Variants in PDS5B observed in about 807,000 individuals in gnomAD.
PDS5B encodes the protein PDS5 cohesin associated factor B.
In PDS5B, 51 loss-of-function variants were observed where a neutral mutation model predicts 184.1. The ratio of observed to expected loss-of-function variants is 0.28; its 90% CI spans 0.22 to 0.35. The LOEUF (loss-of-function observed/expected upper bound fraction) is 0.35, where lower values mean the gene tolerates loss of function less well. PDS5B is among the 10% of genes least tolerant of loss of function. The pLI is 1.00. For missense variants in PDS5B, 1,180 were observed against 1,723.3 expected, an observed-to-expected ratio of 0.68 and a Z score of 5.58; for synonymous variants, 566 against 569.2, an observed-to-expected ratio of 0.99 and a Z score of 0.08.
intron 1 of PDS5B, among the ~76,000 whole-genome samples, chr13:32,598,457 A>G (rs2057915735): frequency 6.6e-6 from 1 of 152,010 alleles, no homozygotes; most frequent in Admixed American, 6.6e-5. Context: ...AGATTATTGT[A>G]GTTTTTAAAT....
At chr13:32,676,781 A>G (rs1951076106) in intron 9 of PDS5B, among the ~76,000 whole-genome samples, 1 of 151,814 alleles carries the variant, frequency 6.6e-6, no homozygotes, top group Non-Finnish European at 1.5e-5. Flanking sequence ...AATACAAAAA[A>G]TTAGCCAGGC....
At chr13:32,746,627 T>C (rs1211047602) in intron 24 of PDS5B, among the ~76,000 whole-genome samples, 1 of 152,206 alleles carries the variant, frequency 6.6e-6, no homozygotes, top group Non-Finnish European at 1.5e-5. Context: ...TCGCTATGCT[T>C]GTGCTTTGAA....
chr13:32,775,095 A>AACT lies in PDS5B; in HGVS notation c.*43_*44insACT. The AACT allele has an allele frequency of 6.6e-5, 36 of 547,556 alleles. No individual in the cohort carries two copies. The highest frequency in any genetic ancestry group is 2.0e-4 in the African/African-American group (3 of 15,254). 33.9% of individuals were successfully genotyped at this position (547,556 alleles called of 1,614,324 possible). ...CTTTCTCTGTGAAAGCTTTGGAAAA[A>AACT]TCTTTTTTTTTTTTTTTGGTCAAGC... is the stretch of plus-strand genomic sequence containing the variant. On this transcript the variant is annotated 3_prime_UTR_variant, in exon 35 of 35. Coordinates refer to ENST00000315596, the MANE Select transcript of PDS5B (RefSeq NM_015032.4).
intron 1 of PDS5B, among the ~76,000 whole-genome samples, chr13:32,600,744 C>G (rs2057961445): frequency 6.6e-6 from 1 of 152,102 alleles, no homozygotes; most frequent in Non-Finnish European, 1.5e-5. Flanking sequence ...GTCTTCAAAA[C>G]AAAACAAAAA....
chr13:32,641,648 T>C (rs759681424), intron 1 of PDS5B, among the ~76,000 whole-genome samples: 1 of 152,182 alleles, frequency 6.6e-6, no homozygotes, highest in Non-Finnish European at 1.5e-5. Context: ...GTTTTCCTTC[T>C]TTATCTCCCC....
intron 7 of PDS5B, among the ~76,000 whole-genome samples, chr13:32,670,596 A>C (rs1950911379): frequency 6.6e-6 from 1 of 152,164 alleles, no homozygotes; most frequent in African/African-American, 2.4e-5. Context: ...GTACATATAT[A>C]TTTGTTTAAA....
Position 32,769,988 on chromosome 13 carries a change from G to A in PDS5B, c.3625-133G>A. ...ATAAAAGCAAATAAATACAGTTCTGGTGTATTTAAGAGCTGTATATTTTAG... is the reference window on the plus strand; with the variant it reads ...ATAAAAGCAAATAAATACAGTTCTGATGTATTTAAGAGCTGTATATTTTAG... On this transcript the variant is annotated intron_variant, in intron 31 of 34. Transcript: ENST00000315596. The A allele has an allele frequency of 4.6e-6, 3 of 658,558 alleles. 1 individual carries two copies. The South Asian group carries it at 7.4e-5, about 16-fold the overall frequency. The allele number at this position is 658,558 out of a possible 1,614,324, so 40.8% of individuals were successfully genotyped here. A position where few individuals can be genotyped will look rare whatever the true frequency, so the allele number is the denominator to read the frequency against.
At chr13:32,606,498 C>T (rs2058062724) in intron 1 of PDS5B, among the ~76,000 whole-genome samples, 1 of 152,214 alleles carries the variant, frequency 6.6e-6, no homozygotes, top group Non-Finnish European at 1.5e-5. Context: ...CTGCCCTTAA[C>T]ATTTTTTCCT....
chr13:32,746,177 T>C, intron 24 of PDS5B, 77 bp downstream of exon 24: 1 of 1,213,962 alleles, frequency 8.2e-7, no homozygotes, highest in Non-Finnish European at 1.2e-6. Flanking sequence ...CTGTGATACA[T>C]AGATTAAAAT....
chr13:32,615,857 T>C (rs939290191), intron 1 of PDS5B, among the ~76,000 whole-genome samples: 2 of 152,190 alleles, frequency 1.3e-5, no homozygotes, highest in African/African-American at 4.8e-5. Flanking sequence ...TTAGTTTTAA[T>C]CTTTATTATG....
chr13:32,594,559 A>C (rs1483560768), intron 1 of PDS5B, among the ~76,000 whole-genome samples: 1 of 152,228 alleles, frequency 6.6e-6, no homozygotes, highest in Admixed American at 6.5e-5. Context: ...TAGTCATGTT[A>C]CTCTGAGAGT....
Position 32,776,596 on chromosome 13 carries a change from G to A in PDS5B, c.*1544G>A, listed in dbSNP as rs1954965114. ...TTATGTTTTTTCATGGTTAACACCA[G>A]AGGGGAAAAAATCATATTCTAACTT... is the stretch of plus-strand genomic sequence containing the variant. On this transcript the variant is annotated 3_prime_UTR_variant, in exon 35 of 35. Coordinates refer to ENST00000315596, the MANE Select transcript of PDS5B (RefSeq NM_015032.4). The A allele has an allele frequency of 6.6e-6, 1 of 152,036 alleles. No individual in the cohort carries two copies. Among genetic ancestry groups the A allele is most frequent in the Non-Finnish European group, 1.5e-5 (1 of 67,894 alleles). The allele number at this position is 152,036 out of a possible 1,614,324, so 9.4% of individuals were successfully genotyped here. A position where few individuals can be genotyped will look rare whatever the true frequency, so the allele number is the denominator to read the frequency against.
intron 17 of PDS5B, among the ~76,000 whole-genome samples, chr13:32,704,867 T>C (rs949405907): frequency 5.3e-5 from 8 of 152,232 alleles, no homozygotes; most frequent in Non-Finnish European, 7.3e-5. Flanking sequence ...TGACTTGTTA[T>C]TGTGAATAGA....
intron 1 of PDS5B, among the ~76,000 whole-genome samples, chr13:32,601,418 A>G (rs776334716): frequency 6.6e-6 from 1 of 152,232 alleles, no homozygotes; most frequent in Non-Finnish European, 1.5e-5. Context: ...ACACTTGATA[A>G]GAATAGGTTA....
At chr13:32,643,846 C>G (rs1449154650) in intron 1 of PDS5B, among the ~76,000 whole-genome samples, 1 of 152,036 alleles carries the variant, frequency 6.6e-6, no homozygotes, top group African/African-American at 2.4e-5. Flanking sequence ...AGAATGTATC[C>G]CATCATTAAG....
At chr13:32,725,006 T>G (rs1055942771) in intron 19 of PDS5B, among the ~76,000 whole-genome samples, 1 of 152,236 alleles carries the variant, frequency 6.6e-6, no homozygotes, top group Admixed American at 6.5e-5. Flanking sequence ...AGGCTCATAA[T>G]AGCTGGCCAT....
At chr13:32,724,142 G>A (rs1049943521) in intron 19 of PDS5B, among the ~76,000 whole-genome samples, 2 of 152,084 alleles carry the variant, frequency 1.3e-5, no homozygotes, top group African/African-American at 4.8e-5. Flanking sequence ...TTTGTGTCAG[G>A]GTCTTGGTCT....
intron 1 of PDS5B, among the ~76,000 whole-genome samples, chr13:32,600,916 G>T (rs1045741240): frequency 2.6e-5 from 4 of 152,060 alleles, no homozygotes; most frequent in Non-Finnish European, 5.9e-5. Context: ...TGAAGTTCGG[G>T]GATCAGCAAA....
intron 6 of PDS5B, among the ~76,000 whole-genome samples, chr13:32,660,998 A>G (rs1363605484): frequency 2.0e-5 from 3 of 152,234 alleles, no homozygotes; most frequent in South Asian, 4.1e-4. Flanking sequence ...TTTAAAAAAA[A>G]TTATAAATAC....
Sources: gnomAD v4.1 joint callset for allele counts (sites outside exome capture counted in the v4.1 genomes callset) on GRCh38, gnomAD v4.1.1 for gene constraint, MANE v1.5 for transcripts, NCBI Gene and HGNC (gene_info 2026-07-23, HGNC 2026-07-21) for gene names.